The following FSTL4 variants were observed in gnomAD, a reference collection of about 807,000 sequenced individuals.
The protein encoded by FSTL4 is follistatin-related protein 4.
A neutral mutation model predicts 78.2 loss-of-function variants in FSTL4; 28 were observed. That is an observed-to-expected ratio of 0.36 (90% CI 0.27 to 0.49). The LOEUF is 0.49. FSTL4 is among the 20% of genes least tolerant of loss of function. The probability of loss-of-function intolerance (pLI) is 0.98; values close to 1 mark genes in which losing one functional copy is unlikely to be tolerated. For synonymous variants in FSTL4, 422 were observed against 440.5 expected, an observed-to-expected ratio of 0.96 and a Z score of 0.53; for missense variants, 922 against 1,084.9, an observed-to-expected ratio of 0.85 and a Z score of 2.11.
At chr5:133,538,724 G>A (rs1474376298) in intron 3 of FSTL4, among the ~76,000 whole-genome samples, 6 of 152,028 alleles carry the variant, frequency 3.9e-5, no homozygotes, top group African/African-American at 1.5e-4. Context: ...ATGTTTTGTT[G>A]TGTAACCATT....
At chr5:133,683,127 T>G in the FSTL4 span, among the ~76,000 whole-genome samples, 1 of 151,918 alleles carries the variant, frequency 6.6e-6, no homozygotes, top group Admixed American at 6.6e-5. Context: ...TGCCAAGGGG[T>G]GTTGAAGCAC....
chr5:133,749,147 G>A, the FSTL4 span, among the ~76,000 whole-genome samples: 1 of 152,210 alleles, frequency 6.6e-6, no homozygotes, highest in South Asian at 2.1e-4. Context: ...GCCACTGACT[G>A]GGCTTTGAAT....
intron 3 of FSTL4, among the ~76,000 whole-genome samples, chr5:133,539,733 C>A (rs1271093017): frequency 6.6e-6 from 1 of 152,148 alleles, no homozygotes; most frequent in Non-Finnish European, 1.5e-5. Flanking sequence ...TCTCAGCCTG[C>A]TTCCTTCTTG....
At chr5:133,823,738 G>A in the FSTL4 span, among the ~76,000 whole-genome samples, 2 of 152,114 alleles carry the variant, frequency 1.3e-5, no homozygotes, top group Admixed American at 1.3e-4. Context: ...AAATGAGGAG[G>A]CTGATTGGGT....
At chr5:133,400,308 G>A (rs905696737) in intron 4 of FSTL4, among the ~76,000 whole-genome samples, 13 of 152,166 alleles carry the variant, frequency 8.5e-5, no homozygotes, top group Non-Finnish European at 5.9e-5. Context: ...TCCTTGTCAC[G>A]CTGGAAGACA....
At chr5:133,462,268 G>A (rs1471952985) in intron 3 of FSTL4, among the ~76,000 whole-genome samples, 1 of 152,210 alleles carries the variant, frequency 6.6e-6, no homozygotes, top group Non-Finnish European at 1.5e-5. Context: ...CACAGGCTTG[G>A]CACTCATAGC....
chr5:133,606,593 C>T (rs955739979), intron 1 of FSTL4, among the ~76,000 whole-genome samples: 4 of 152,198 alleles, frequency 2.6e-5, no homozygotes, highest in Admixed American at 6.5e-5. Flanking sequence ...GACATTGCTT[C>T]TTATTCTCAT....
At chr5:133,238,858 G>A (rs530357896) in intron 7 of FSTL4, among the ~76,000 whole-genome samples, 74 of 152,360 alleles carry the variant, frequency 4.9e-4, no homozygotes, top group African/African-American at 1.5e-3. Context: ...GCTCGCTCTC[G>A]GAGCCTCCTC....
intron 3 of FSTL4, among the ~76,000 whole-genome samples, chr5:133,471,536 A>T (rs1478973813): frequency 6.6e-6 from 1 of 152,160 alleles, no homozygotes; most frequent in Non-Finnish European, 1.5e-5. Context: ...CCATGTGAGG[A>T]CACAGCTGAA....
the FSTL4 span, among the ~76,000 whole-genome samples, chr5:133,794,427 C>T: frequency 2.2e-4 from 34 of 152,200 alleles, no homozygotes; most frequent in Admixed American, 1.6e-3. Flanking sequence ...TTAGAGGTGG[C>T]TGCTCCAGCT....
intron 7 of FSTL4, among the ~76,000 whole-genome samples, chr5:133,245,623 A>C (rs1323599892): frequency 6.6e-6 from 1 of 152,190 alleles, no homozygotes; most frequent in Non-Finnish European, 1.5e-5. Context: ...GGCTGCGGAC[A>C]GTGTCTTTGT....
chr5:133,726,568 A>T, the FSTL4 span, among the ~76,000 whole-genome samples: 1 of 152,158 alleles, frequency 6.6e-6, no homozygotes, highest in African/African-American at 2.4e-5. Context: ...GAAGGCACAG[A>T]GGGGGTTTTT....
chr5:133,452,426 AT>A (rs1309782429), intron 3 of FSTL4, among the ~76,000 whole-genome samples: 1 of 152,230 alleles, frequency 6.6e-6, no homozygotes, highest in Non-Finnish European at 1.5e-5. Flanking sequence ...AGCCAGAGAA[AT>A]TTTCCTGAGC....
At chr5:133,606,039 G>A (rs560196773) in intron 1 of FSTL4, among the ~76,000 whole-genome samples, 1 of 152,250 alleles carries the variant, frequency 6.6e-6, no homozygotes, top group South Asian at 2.1e-4. Flanking sequence ...TAGGGTGTGT[G>A]AAATCTTACA....
At chr5:133,593,576 C>A (rs531638987) in intron 2 of FSTL4, among the ~76,000 whole-genome samples, 1 of 152,216 alleles carries the variant, frequency 6.6e-6, no homozygotes, top group East Asian at 1.9e-4. Flanking sequence ...GGGGCCAGGA[C>A]AAACCTGTGA....
chr5:133,791,278 G>GCACA, the FSTL4 span, among the ~76,000 whole-genome samples: 11,669 of 148,780 alleles, frequency 0.078, 495 homozygotes, highest in East Asian at 0.16. Flanking sequence ...ACATGTGCGT[G>GCACA]CACACACACA....
intron 3 of FSTL4, among the ~76,000 whole-genome samples, chr5:133,528,055 T>C (rs1759172622): frequency 6.6e-6 from 1 of 152,236 alleles, no homozygotes; most frequent in Non-Finnish European, 1.5e-5. Context: ...ATAAGTGTTA[T>C]CATTTCAGGG....
At chr5:133,422,630 A>G (rs1347622541) in intron 3 of FSTL4, among the ~76,000 whole-genome samples, 1 of 152,196 alleles carries the variant, frequency 6.6e-6, no homozygotes, top group African/African-American at 2.4e-5. Context: ...CTAAGTGGGG[A>G]AAATCAAGGA....
At chr5:133,362,691 C>T (rs746433220) in intron 4 of FSTL4, among the ~76,000 whole-genome samples, 1 of 152,238 alleles carries the variant, frequency 6.6e-6, no homozygotes, top group Non-Finnish European at 1.5e-5. Flanking sequence ...TGCTCCCTGT[C>T]CAGAGCAGGC....
Sources: allele counts gnomAD v4.1 joint callset (sites outside exome capture counted in the v4.1 genomes callset), GRCh38; gene constraint gnomAD v4.1.1; transcripts MANE v1.5; gene names NCBI Gene and HGNC (gene_info 2026-07-23, HGNC 2026-07-21).